The following HEMK2 variants were observed in gnomAD, a reference collection of about 807,000 sequenced individuals.
The protein encoded by HEMK2 is HemK methyltransferase 2, ETF1 glutamine and histone H4 lysine.
chr21:28,726,282 G>C, the HEMK2 span, among the ~76,000 whole-genome samples: 98 of 151,864 alleles, frequency 6.5e-4, no homozygotes, highest in Middle Eastern at 6.9e-3. Flanking sequence ...GTTCACAACT[G>C]ATCAAAACAA....
the HEMK2 span, among the ~76,000 whole-genome samples, chr21:28,585,191 G>A: frequency 2.0e-5 from 3 of 152,086 alleles, no homozygotes; most frequent in African/African-American, 7.2e-5. Context: ...ACTTAGCTGA[G>A]CATGGTGGTG....
chr21:28,746,779 A>G, the HEMK2 span, among the ~76,000 whole-genome samples: 1 of 152,238 alleles, frequency 6.6e-6, no homozygotes, highest in Middle Eastern at 3.4e-3. Context: ...TACTTGAAGA[A>G]CACAAATAAG....
At chr21:28,731,319 A>G in the HEMK2 span, among the ~76,000 whole-genome samples, 1 of 152,248 alleles carries the variant, frequency 6.6e-6, no homozygotes, top group Non-Finnish European at 1.5e-5. Context: ...ATGGAGCTAG[A>G]ATCTATAAAT....
the HEMK2 span, among the ~76,000 whole-genome samples, chr21:28,715,947 T>A: frequency 6.6e-6 from 1 of 152,154 alleles, no homozygotes; most frequent in African/African-American, 2.4e-5. Flanking sequence ...GATCAGATGA[T>A]TGTACGCAGG....
At chr21:28,864,814 GAC>G in the HEMK2 span, among the ~76,000 whole-genome samples, 3 of 46,818 alleles carry the variant, frequency 6.4e-5, no homozygotes, top group Admixed American at 5.9e-4. Context: ...CTGAAAGACA[GAC>G]AGACAGATAG....
At chr21:28,869,729 A>G in the HEMK2 span, among the ~76,000 whole-genome samples, 1 of 152,230 alleles carries the variant, frequency 6.6e-6, no homozygotes, top group Non-Finnish European at 1.5e-5. Flanking sequence ...AATGGAATAG[A>G]ACACTTTCTA....
At chr21:28,863,197 A>C in the HEMK2 span, among the ~76,000 whole-genome samples, 4 of 151,916 alleles carry the variant, frequency 2.6e-5, no homozygotes, top group Admixed American at 2.6e-4. Flanking sequence ...CAGCATGGCT[A>C]GAATATAAGC....
chr21:28,838,766 C>T, the HEMK2 span, among the ~76,000 whole-genome samples: 1 of 150,116 alleles, frequency 6.7e-6, no homozygotes, highest in Middle Eastern at 3.2e-3. Flanking sequence ...ATGGAGAAAC[C>T]GTGTCTCTAC....
At chr21:28,707,291 T>C in the HEMK2 span, among the ~76,000 whole-genome samples, 1 of 150,584 alleles carries the variant, frequency 6.6e-6, no homozygotes, top group Non-Finnish European at 1.5e-5. Context: ...AGTCTCACTC[T>C]GTCACCCAGT....
the HEMK2 span, among the ~76,000 whole-genome samples, chr21:28,861,143 G>C: frequency 6.6e-6 from 1 of 152,200 alleles, no homozygotes; most frequent in Non-Finnish European, 1.5e-5. Flanking sequence ...AATTGCTCTT[G>C]TCTGCATGTC....
At chr21:28,692,207 A>G in the HEMK2 span, among the ~76,000 whole-genome samples, 1 of 152,146 alleles carries the variant, frequency 6.6e-6, no homozygotes, top group Non-Finnish European at 1.5e-5. Flanking sequence ...ATGATTCCAT[A>G]TGCATTATAA....
At chr21:28,856,241 C>G in the HEMK2 span, among the ~76,000 whole-genome samples, 1 of 151,860 alleles carries the variant, frequency 6.6e-6, no homozygotes, top group Admixed American at 6.6e-5. Flanking sequence ...ATGGTGAAAC[C>G]CTAACTCTAC....
chr21:28,659,257 T>C, the HEMK2 span, among the ~76,000 whole-genome samples: 5 of 152,234 alleles, frequency 3.3e-5, no homozygotes, highest in East Asian at 7.7e-4. Context: ...TTCTACATGA[T>C]TTAATAATAA....
the HEMK2 span, among the ~76,000 whole-genome samples, chr21:28,605,314 C>T: frequency 6.6e-6 from 1 of 152,180 alleles, no homozygotes; most frequent in South Asian, 2.1e-4. Context: ...ACAGATTGTT[C>T]CTCTGTGTAG....
chr21:28,665,399 TTTTA>T, the HEMK2 span, among the ~76,000 whole-genome samples: 1 of 111,268 alleles, frequency 9.0e-6, no homozygotes, highest in African/African-American at 3.8e-5. Flanking sequence ...TTTTTTTTTT[TTTTA>T]TTATAGTCTA....
the HEMK2 span, chr21:28,872,192 G>A: frequency 6.6e-6 from 1 of 152,134 alleles, no homozygotes; most frequent in African/African-American, 2.4e-5. Flanking sequence ...ACACTGAAAG[G>A]CGAGGAGGGC....
the HEMK2 span, among the ~76,000 whole-genome samples, chr21:28,684,702 G>A: frequency 1.3e-5 from 2 of 152,152 alleles, no homozygotes; most frequent in African/African-American, 4.8e-5. Flanking sequence ...ACGTGAATGG[G>A]GGATGCACAA....
chr21:28,614,536 C>T, the HEMK2 span, among the ~76,000 whole-genome samples: 1 of 152,080 alleles, frequency 6.6e-6, no homozygotes, highest in African/African-American at 2.4e-5. Context: ...TAAGCCAAAG[C>T]CAAGATTTCA....
chr21:28,724,865 T>C, the HEMK2 span, among the ~76,000 whole-genome samples: 2 of 152,196 alleles, frequency 1.3e-5, no homozygotes, highest in African/African-American at 4.8e-5. Context: ...CACTGCAACC[T>C]CTACCTCCTG....
Sources: allele counts gnomAD v4.1 joint callset (sites outside exome capture counted in the v4.1 genomes callset), GRCh38; gene constraint gnomAD v4.1.1; transcripts MANE v1.5; gene names NCBI Gene and HGNC (gene_info 2026-07-23, HGNC 2026-07-21).